LAMA2: variants seen among roughly 807,000 people sequenced by gnomAD.
LAMA2 encodes the protein laminin subunit alpha 2.
In LAMA2, 269 loss-of-function variants were observed where a neutral mutation model predicts 364.8. The observed-to-expected ratio is 0.74, with a 90% confidence interval of 0.67 to 0.82. LAMA2 has a LOEUF of 0.82. Ranked by LOEUF, LAMA2 falls within the 40% of genes least tolerant of loss-of-function variation. LAMA2 has a pLI of 0.00. For synonymous variants in LAMA2, 1,379 were observed against 1,370.6 expected, an observed-to-expected ratio of 1.01 and a Z score of -0.14; for missense variants, 3,807 against 3,873.2, an observed-to-expected ratio of 0.98 and a Z score of 0.45.
At chr6:129,022,731 T>G (rs1785520031) in intron 1 of LAMA2, among the ~76,000 whole-genome samples, 1 of 152,184 alleles carries the variant, frequency 6.6e-6, no homozygotes, top group African/African-American at 2.4e-5. Flanking sequence ...ACAATTTTCA[T>G]AGCTACAAAC....
chr6:129,475,293 AT>A, intron 52 of LAMA2, 96 bp from the exon 53 acceptor site: 1 of 768,318 alleles, frequency 1.3e-6, no homozygotes, highest in South Asian at 1.9e-5. Context: ...TTTTTTAAAG[AT>A]TTATGATTAA....
Position 128,908,041 on chromosome 6 carries a change from AT to A in LAMA2, c.112+24688del, listed in dbSNP as rs1307677824. 5.3e-5 allele frequency among the ~76,000 whole-genome samples: 8 copies of A among 151,826 alleles called. No individual in the cohort carries two copies. In the East Asian group the frequency reaches 1.5e-3, roughly 29 times the overall value. On this transcript the variant is annotated intron_variant, in intron 1 of 64. Transcript: ENST00000421865. Reference sequence around the variant, plus strand: ...GTGCTGCTGGATTTGTTTTGCCAGTATTTTATTGAGGATTTTTGCATCAATG... The same window carrying A: ...GTGCTGCTGGATTTGTTTTGCCAGTATTTATTGAGGATTTTTGCATCAATG...
intron 1 of LAMA2, among the ~76,000 whole-genome samples, chr6:129,017,069 C>G (rs1411814749): frequency 6.6e-6 from 1 of 151,854 alleles, no homozygotes; most frequent in African/African-American, 2.4e-5. Flanking sequence ...ATCTAGACTT[C>G]TGCATCGCAA....
intron 4 of LAMA2, among the ~76,000 whole-genome samples, chr6:129,099,132 T>TA (rs959359525): frequency 6.7e-6 from 1 of 149,206 alleles, no homozygotes; most frequent in African/African-American, 2.5e-5. Context: ...TTTGTTTTTT[T>TA]TTTTTTTGTT....
intron 1 of LAMA2, among the ~76,000 whole-genome samples, chr6:128,952,893 C>T (rs9492155): frequency 0.082 from 12,541 of 152,092 alleles, 984 homozygotes; most frequent in African/African-American, 0.2. Context: ...ATCAACAGGA[C>T]TCTCCCCTCT....
chr6:129,412,750 G>A (rs2114713855), intron 40 of LAMA2, among the ~76,000 whole-genome samples: 1 of 152,178 alleles, frequency 6.6e-6, no homozygotes, highest in East Asian at 1.9e-4. Flanking sequence ...ATCTTGTAGT[G>A]ACACCATACA....
intron 1 of LAMA2, among the ~76,000 whole-genome samples, chr6:128,936,007 G>A (rs1027626458): frequency 6.6e-6 from 1 of 152,084 alleles, no homozygotes; most frequent in Admixed American, 6.5e-5. Flanking sequence ...TAGTGAGTGA[G>A]TTCTCATGAG....
At chr6:129,322,884 C>T (rs1006594420) in intron 28 of LAMA2, among the ~76,000 whole-genome samples, 3 of 151,914 alleles carry the variant, frequency 2.0e-5, no homozygotes, top group Non-Finnish European at 4.4e-5. Flanking sequence ...AGTCATTTTC[C>T]ATCATTATAT....
intron 4 of LAMA2, among the ~76,000 whole-genome samples, chr6:129,115,338 T>C (rs928672460): frequency 6.6e-6 from 1 of 152,106 alleles, no homozygotes; most frequent in East Asian, 1.9e-4. Flanking sequence ...TTGAAATAAA[T>C]TTTCAGCTTG....
chr6:129,008,682 C>T (rs150632892), intron 1 of LAMA2, among the ~76,000 whole-genome samples: 1 of 152,182 alleles, frequency 6.6e-6, no homozygotes, highest in Non-Finnish European at 1.5e-5. Flanking sequence ...GGGATGTTAA[C>T]CAAAATTAAT....
At chr6:129,242,478 C>T (rs562973637) in intron 12 of LAMA2, among the ~76,000 whole-genome samples, 5 of 152,084 alleles carry the variant, frequency 3.3e-5, no homozygotes, top group South Asian at 2.1e-4. Context: ...ATATTATGAG[C>T]GTGTGGCTTT....
At chr6:129,428,247 T>C (rs1287081126) in intron 41 of LAMA2, among the ~76,000 whole-genome samples, 1 of 152,064 alleles carries the variant, frequency 6.6e-6, no homozygotes, top group Non-Finnish European at 1.5e-5. Flanking sequence ...CGGGGAAACA[T>C]AGCAAGATCC....
chr6:128,901,667 A>T (rs745694909), intron 1 of LAMA2, among the ~76,000 whole-genome samples: 1 of 152,198 alleles, frequency 6.6e-6, no homozygotes, highest in Non-Finnish European at 1.5e-5. Context: ...TAACTATGTT[A>T]CATAGTTACT....
rs968672615 is a variant in LAMA2, at chr6:129,415,249, G to A, written c.5865+11290G>A. ...CATAATTGTGCCATGGCAGAATACA[G>A]AAGTCCCTTCTCTGAAGACATTTTA... On this transcript the variant is annotated intron_variant, in intron 40 of 64. Transcript: ENST00000421865. Among the ~76,000 whole-genome samples the A allele has an allele frequency of 5.3e-5, 8 of 152,190 alleles. No individual in the cohort carries two copies. The South Asian group carries it at 1.5e-3, about 28-fold the overall frequency.
chr6:128,944,089 A>G (rs1780345277), intron 1 of LAMA2, among the ~76,000 whole-genome samples: 1 of 152,186 alleles, frequency 6.6e-6, no homozygotes, highest in South Asian at 2.1e-4. Context: ...GTGGACAGAA[A>G]GTTCATTAGC....
At chr6:129,307,832 G>T (rs987817757) in intron 22 of LAMA2, among the ~76,000 whole-genome samples, 1 of 152,152 alleles carries the variant, frequency 6.6e-6, no homozygotes, top group South Asian at 2.1e-4. Flanking sequence ...AATAATAAGG[G>T]CATTTTTTTA....
chr6:128,951,499 A>G (rs139437682), intron 1 of LAMA2, among the ~76,000 whole-genome samples: 296 of 152,300 alleles, frequency 1.9e-3, no homozygotes, highest in African/African-American at 6.9e-3. Flanking sequence ...TTCATTTGTA[A>G]GCATAAGAAA....
chr6:129,476,307 G>C (rs1784065445), intron 53 of LAMA2, among the ~76,000 whole-genome samples: 1 of 152,158 alleles, frequency 6.6e-6, no homozygotes, highest in Non-Finnish European at 1.5e-5. Context: ...AATGAAAGTA[G>C]GGAAAAATAA....
chr6:128,919,716 T>C (rs1176110903), intron 1 of LAMA2, among the ~76,000 whole-genome samples: 2 of 152,218 alleles, frequency 1.3e-5, no homozygotes, highest in Non-Finnish European at 2.9e-5. Flanking sequence ...CACAATAGTA[T>C]TGAGCTATTC....
Sources: gnomAD v4.1 joint callset for allele counts (sites outside exome capture counted in the v4.1 genomes callset) on GRCh38, gnomAD v4.1.1 for gene constraint, MANE v1.5 for transcripts, NCBI Gene and HGNC (gene_info 2026-07-23, HGNC 2026-07-21) for gene names.